Variants in TBC1D9 observed in about 807,000 individuals in gnomAD.
TBC1D9 encodes TBC1 domain family member 9A.
In TBC1D9, 63 loss-of-function variants were observed where a neutral mutation model predicts 132.0. The ratio of observed to expected loss-of-function variants is 0.48; its 90% CI spans 0.39 to 0.59. The LOEUF (loss-of-function observed/expected upper bound fraction) is 0.59, where lower values mean the gene tolerates loss of function less well. TBC1D9 is among the 20% of genes least tolerant of loss of function. The pLI, the probability that TBC1D9 is intolerant of heterozygous loss-of-function variation, is 0.00. For missense variants in TBC1D9, 1,261 were observed against 1,592.7 expected, an observed-to-expected ratio of 0.79 and a Z score of 3.54; for synonymous variants, 610 against 609.9, an observed-to-expected ratio of 1.00 and a Z score of 0.00.
At chr4:140,656,963 A>G (rs1173628875) in intron 13 of TBC1D9, 134 bp downstream of exon 13, 4 of 1,172,572 alleles carry the variant, frequency 3.4e-6, no homozygotes, top group Non-Finnish European at 4.6e-6. Flanking sequence ...GGGGCGTCCC[A>G]AAGTCTAGAA....
Position 140,621,242 on chromosome 4 carries a change from G to A in TBC1D9, c.*953C>T, listed in dbSNP as rs943858967. ...ATTTGATGGAAAGATGGTCATATGC[G>A]ATATGTGGTATAAATTTCTTCAATC... is the stretch of plus-strand genomic sequence containing the variant. On this transcript the variant is annotated 3_prime_UTR_variant, in exon 21 of 21. Coordinates refer to ENST00000442267, the MANE Select transcript of TBC1D9 (RefSeq NM_015130.3). 2.0e-5 allele frequency: 3 copies of A among 152,512 alleles called. No individual in the cohort carries two copies. The highest frequency in any genetic ancestry group is 2.1e-4 in the South Asian group (1 of 4,832). The allele number at this position is 152,512 out of a possible 1,614,324, so 9.4% of individuals were successfully genotyped here. A position where few individuals can be genotyped will look rare whatever the true frequency, so the allele number is the denominator to read the frequency against.
chr4:140,655,384 C>A lies in TBC1D9; in HGVS notation c.2337+1713G>T, dbSNP rs557210757. ...TCCATAGCAATTTTTTTTAAAAGCA[C>A]TAAATTTTTTACTTTAAGAGAGACT... On this transcript the variant is annotated intron_variant, in intron 13 of 20. Coordinates refer to ENST00000442267, the MANE Select transcript of TBC1D9 (RefSeq NM_015130.3). 5.9e-5 allele frequency among the ~76,000 whole-genome samples: 9 copies of A among 152,184 alleles called. No individual in the cohort carries two copies. The South Asian group carries it at 1.0e-3, about 18-fold the overall frequency.
At position 140,754,614 on chromosome 4, in the gene TBC1D9, C is replaced by CAAAAAA. The variant is rs34471976; in HGVS notation, c.130+1296_130+1301dup. Among the ~76,000 whole-genome samples, 37 of 23,248 alleles carry CAAAAAA rather than the reference C, an allele frequency of 1.6e-3. 6 individuals are homozygous for CAAAAAA. The highest frequency in any genetic ancestry group is 3.5e-3 in the East Asian group (3 of 856). 15.3% of individuals were successfully genotyped at this position (23,248 alleles called of 152,430 possible). ...TGGGCGACAAAGCAGGACTCTGTCT[C>CAAAAAA]AAAAAAAAAAAAAAAAAAAAAAAAA... On this transcript the variant is annotated intron_variant, in intron 1 of 20. Transcript: ENST00000442267.
intron 6 of TBC1D9, among the ~76,000 whole-genome samples, chr4:140,672,566 A>C (rs1029838009): frequency 7.9e-5 from 12 of 152,208 alleles, no homozygotes; most frequent in Non-Finnish European, 1.5e-4. Context: ...AGCTATGTGG[A>C]TCTTGATAAA....
At chr4:140,659,828 A>C (rs1560876512) in intron 10 of TBC1D9, 123 bp from the exon 11 acceptor site, 1 of 660,930 alleles carries the variant, frequency 1.5e-6, no homozygotes, top group Middle Eastern at 2.6e-4. Context: ...AAAGCGAGAT[A>C]AATATGTTTA....
At chr4:140,738,965 CA>C (rs1393358416) in intron 1 of TBC1D9, among the ~76,000 whole-genome samples, 1 of 152,200 alleles carries the variant, frequency 6.6e-6, no homozygotes, top group Non-Finnish European at 1.5e-5. Flanking sequence ...GGTACAGCCT[CA>C]CTCTACTAGC....
chr4:140,685,784 C>A (rs1468567157), intron 3 of TBC1D9, among the ~76,000 whole-genome samples: 2 of 152,262 alleles, frequency 1.3e-5, no homozygotes, highest in African/African-American at 4.8e-5. Context: ...AGCTTAAAAA[C>A]TTGGTCACAT....
At chr4:140,700,491 G>C (rs965231582) in intron 2 of TBC1D9, among the ~76,000 whole-genome samples, 2 of 151,552 alleles carry the variant, frequency 1.3e-5, no homozygotes, top group African/African-American at 4.8e-5. Flanking sequence ...TGGACTAGAA[G>C]TTCTTATGAG....
chr4:140,735,036 C>T (rs564029503), intron 1 of TBC1D9, among the ~76,000 whole-genome samples: 46 of 152,280 alleles, frequency 3.0e-4, no homozygotes, highest in Middle Eastern at 3.4e-3. Flanking sequence ...TGTTTAAACT[C>T]TTTCATTGCA....
At chr4:140,632,668 T>C (rs1468312375) in intron 16 of TBC1D9, among the ~76,000 whole-genome samples, 1 of 152,142 alleles carries the variant, frequency 6.6e-6, no homozygotes, top group Non-Finnish European at 1.5e-5. Flanking sequence ...AATATGGAGA[T>C]AATAGTAGCA....
rs759467868 is a variant in TBC1D9, at chr4:140,668,927, C to A, written c.1578G>T (p.Leu526=). ...GCCCAGCGGCCGTACCTGACAGCAG[C>A]AGCCAGAGCTCCCCACGCATGCTCT... is the stretch of plus-strand genomic sequence containing the variant. The part of the protein sequence containing the change: ...IPESMRGELW[L]LLSGAINEKA... The change falls in exon 9 of 21, where the codon CTG becomes CTT. Residue 526 remains leucine (L), a synonymous_variant. Transcript: ENST00000442267. 246 of 1,613,712 alleles carry A rather than the reference C, an allele frequency of 1.5e-4. No individual in the cohort carries two copies. Among genetic ancestry groups the A allele is most frequent in the Non-Finnish European group, 2.0e-4 (237 of 1,179,844 alleles).
chr4:140,664,985 T>C (rs1737419957), intron 9 of TBC1D9, among the ~76,000 whole-genome samples: 1 of 151,768 alleles, frequency 6.6e-6, no homozygotes, highest in South Asian at 2.1e-4. Context: ...TGCACACCTG[T>C]AATCCCAGCT....
At chr4:140,709,747 T>G (rs1269756286) in intron 1 of TBC1D9, among the ~76,000 whole-genome samples, 2 of 152,152 alleles carry the variant, frequency 1.3e-5, no homozygotes, top group East Asian at 3.9e-4. Flanking sequence ...GGGGATGGTT[T>G]GAGGATGAAA....
chr4:140,622,506 A>T lies in TBC1D9; in HGVS notation c.3490T>A (p.Ser1164Thr). ...GAGCCGGCACTCAGCACCGAGTATG[A>T]GGACATGGAGCTGTCGTCCTTGGTG... ...DDTKDDSSMS[S>T]YSVLSAGSHE... Residue 1164 changes from serine (S) to threonine (T), a missense_variant, in exon 21 of 21, where the codon TCA (serine) becomes ACA (threonine). Around this residue, in one of 3 missense-constraint regions of TBC1D9, gnomAD observed 618 missense variants for 724.4 expected, o/e 0.85. Transcript: ENST00000442267. 2 of 1,614,022 alleles carry T rather than the reference A, an allele frequency of 1.2e-6. No individual in the cohort carries two copies. The highest frequency in any genetic ancestry group is 1.7e-6 in the Non-Finnish European group (2 of 1,179,890).
At chr4:140,659,408 G>T in intron 11 of TBC1D9, 180 bp downstream of exon 11, 1 of 479,666 alleles carries the variant, frequency 2.1e-6, no homozygotes, top group Non-Finnish European at 3.7e-6. Context: ...TAAACTCCAC[G>T]GGGCTCCTTT....
At chr4:140,632,404 C>T (rs1247910943) in intron 16 of TBC1D9, among the ~76,000 whole-genome samples, 1 of 152,018 alleles carries the variant, frequency 6.6e-6, no homozygotes. Context: ...GCAGACTGTA[C>T]TTATATATCA....
intron 3 of TBC1D9, among the ~76,000 whole-genome samples, chr4:140,681,315 C>A (rs1737699593): frequency 1.3e-5 from 2 of 152,184 alleles, no homozygotes; most frequent in African/African-American, 4.8e-5. Flanking sequence ...AACTATCATT[C>A]TTTTCCCCCC....
intron 1 of TBC1D9, among the ~76,000 whole-genome samples, chr4:140,703,225 A>G (rs1240270121): frequency 2.6e-5 from 4 of 152,224 alleles, no homozygotes; most frequent in Non-Finnish European, 4.4e-5. Context: ...AGCAAAGCTC[A>G]GTGCCATATT....
At chr4:140,751,956 G>A (rs891518569) in intron 1 of TBC1D9, among the ~76,000 whole-genome samples, 2 of 152,182 alleles carry the variant, frequency 1.3e-5, no homozygotes, top group Non-Finnish European at 2.9e-5. Flanking sequence ...ATGGAACAAG[G>A]GGAACTTCCA....
Sources: allele counts gnomAD v4.1 joint callset (sites outside exome capture counted in the v4.1 genomes callset), GRCh38; gene constraint gnomAD v4.1.1; regional missense constraint gnomAD v4.1.1; transcripts MANE v1.5; gene names NCBI Gene and HGNC (gene_info 2026-07-23, HGNC 2026-07-21).